JCAD: variants seen among roughly 807,000 people sequenced by gnomAD.
JCAD encodes junctional cadherin 5 associated.
In JCAD, 40 loss-of-function variants were observed where a neutral mutation model predicts 98.0. The ratio of observed to expected loss-of-function variants is 0.41; its 90% confidence interval spans 0.32 to 0.53. The LOEUF (loss-of-function observed/expected upper bound fraction) is 0.53. JCAD is among the 20% of genes least tolerant of loss of function. The probability of loss-of-function intolerance (pLI) is 0.31; values close to 1 mark genes in which losing one functional copy is unlikely to be tolerated. For synonymous variants in JCAD, 691 were observed against 682.3 expected, an observed-to-expected ratio of 1.01 and a Z score of -0.20; for missense variants, 1,705 against 1,738.1, an observed-to-expected ratio of 0.98 and a Z score of 0.34.
Position 30,027,467 on chromosome 10 carries a change from G to T in JCAD, c.2681C>A (p.Pro894Gln), listed in dbSNP as rs1007015108. ...NSPEMRVEPQPRMWVPESPVC... is the reference protein window; with the variant it reads ...NSPEMRVEPQQRMWVPESPVC... ...AGGGCTCTCCGGCACCCACATCCTC[G>T]GCTGTGGCTCAACCCTCATTTCCGG... Residue 894 changes from proline to glutamine, a missense_variant, in exon 3 of 4, where the codon CCG (proline) becomes CAG (glutamine). This residue lies in a region of JCAD where 1,278 missense variants were observed against 1,243.1 expected (regional missense o/e 1.03). Coordinates refer to ENST00000375377, the MANE Select transcript of JCAD (RefSeq NM_020848.4). The T allele has an allele frequency of 1.2e-6, 2 of 1,605,680 alleles. No homozygotes were observed. Among genetic ancestry groups the T allele is most frequent in the Non-Finnish European group, 1.7e-6 (2 of 1,179,988 alleles).
intron 2 of JCAD, among the ~76,000 whole-genome samples, chr10:30,034,614 C>T (rs1489884653): frequency 1.3e-5 from 2 of 152,094 alleles, no homozygotes; most frequent in African/African-American, 4.8e-5. Context: ...AGCCCCTTTC[C>T]TCCCTCCCTC....
At position 30,026,227 on chromosome 10, in the gene JCAD, A is replaced by C; in HGVS notation, c.3921T>G (p.Ser1307Arg). The change falls in exon 3 of 4, where the codon AGT (serine) becomes AGG (arginine). Residue 1307 changes from serine (S) to arginine (R), a missense_variant. Ser to Arg is a moderately radical substitution (Grantham distance 110, BLOSUM62 -1). This residue lies in a region of JCAD where 1,278 missense variants were observed against 1,243.1 expected (regional missense o/e 1.03). Transcript: ENST00000375377. Reference sequence around the variant, plus strand: ...GGCCCAATCTCTGGGCACGGTCCCCACTGCCAGGAGACACAAGGCCTCCCG... The same window carrying C: ...GGCCCAATCTCTGGGCACGGTCCCCCCTGCCAGGAGACACAAGGCCTCCCG... ...GLPGGLVSPG[S>R]GDRAQRLGHS... 6.2e-7 allele frequency: 1 copy of C among 1,614,058 alleles called. No homozygotes were observed. Among genetic ancestry groups the C allele is most frequent in the Middle Eastern group, 1.6e-4 (1 of 6,062 alleles).
At chr10:30,061,007 G>A (rs1262963235), upstream of JCAD, among the ~76,000 whole-genome samples, 3 of 152,188 alleles carry the variant, frequency 2.0e-5, no homozygotes, top group Admixed American at 6.5e-5. Flanking sequence ...TCAGGAGTGC[G>A]TGGGAGGAAA....
At chr10:30,107,931 T>C (rs144431078) in intron 1 of JCAD, among the ~76,000 whole-genome samples, 31 of 152,316 alleles carry the variant, frequency 2.0e-4, no homozygotes, top group African/African-American at 5.8e-4. Flanking sequence ...TAATAAAATA[T>C]GCACCCCTAT....
chr10:30,084,369 C>T (rs1413523129), intron 1 of JCAD, among the ~76,000 whole-genome samples: 1 of 152,138 alleles, frequency 6.6e-6, no homozygotes, highest in African/African-American at 2.4e-5. Context: ...CTTACTAAAT[C>T]AAGGGGTGGC....
At chr10:30,105,839 T>C (rs1173885579) in intron 1 of JCAD, among the ~76,000 whole-genome samples, 1 of 152,222 alleles carries the variant, frequency 6.6e-6, no homozygotes, top group African/African-American at 2.4e-5. Flanking sequence ...ACACGACTGC[T>C]TTTGATAAGT....
Position 30,027,932 on chromosome 10 carries a change from C to T in JCAD, c.2216G>A (p.Gly739Asp), listed in dbSNP as rs747355619. 2 of 1,614,096 alleles carry T rather than the reference C, an allele frequency of 1.2e-6. No individual in the cohort carries two copies. Among genetic ancestry groups the T allele is most frequent in the East Asian group, 2.2e-5 (1 of 44,894 alleles). Reference sequence around the variant, plus strand: ...GGCACTTGGCCTCTGTTTGTGATCACCGGTAGGGAATGCTGTGTGCGTCTG... The same window carrying T: ...GGCACTTGGCCTCTGTTTGTGATCATCGGTAGGGAATGCTGTGTGCGTCTG... ...EAQTHTAFPT[G>D]DHKQRPSARN... Residue 739 changes from glycine (G) to aspartate (D), a missense_variant, in exon 3 of 4, where the codon GGT becomes GAT. This residue lies in a region of JCAD where 1,278 missense variants were observed against 1,243.1 expected (regional missense o/e 1.03). Transcript: ENST00000375377.
chr10:30,086,655 T>G (rs1838171459), intron 1 of JCAD, among the ~76,000 whole-genome samples: 3 of 152,208 alleles, frequency 2.0e-5, no homozygotes, highest in Admixed American at 2.0e-4. Context: ...CATCCCTGCT[T>G]TTTTAACTGC....
Position 30,028,149 on chromosome 10 carries a change from T to C in JCAD, c.1999A>G (p.Ile667Val), listed in dbSNP as rs1367339768. The change falls in exon 3 of 4, where the codon ATC becomes GTC. Residue 667 changes from isoleucine (I) to valine (V), a missense_variant. By Grantham distance (29) the Ile-to-Val change is conservative (BLOSUM62 3). Coordinates refer to ENST00000375377, the MANE Select transcript of JCAD (RefSeq NM_020848.4). ...AGTTCTCTGTGCTTTGTAAGGTGGATGAAACTGAGGTCATTTGTTTGTCTG... is the reference window on the plus strand; with the variant it reads ...AGTTCTCTGTGCTTTGTAAGGTGGACGAAACTGAGGTCATTTGTTTGTCTG... ...EDRQTNDLSF[I>V]HLTKHRELKH... 3 of 1,614,114 alleles carry C rather than the reference T, an allele frequency of 1.9e-6. No homozygotes were observed. The highest frequency in any genetic ancestry group is 2.5e-6 in the Non-Finnish European group (3 of 1,180,044).
rs186526257 is a variant in JCAD at position 30,087,892 on chromosome 10, G to A, written n.129-18071C>T. On this transcript the variant is annotated intron_variant and non_coding_transcript_variant, in intron 1 of 2. Coordinates refer to the JCAD transcript ENST00000465712. ...AGTCTCACTCTGTCGCCAGGCTGGC[G>A]TGCAGTGGCATGATCTCAGCTCACT... Among the ~76,000 whole-genome samples, 26 of 152,340 alleles carry A rather than the reference G, an allele frequency of 1.7e-4. 1 individual carries two copies. Among genetic ancestry groups the A allele is most frequent in the Admixed American group, 9.1e-4 (14 of 15,304 alleles).
intron 1 of JCAD, among the ~76,000 whole-genome samples, chr10:30,058,298 C>T (rs575626971): frequency 5.3e-5 from 8 of 152,130 alleles, no homozygotes; most frequent in African/African-American, 1.9e-4. Context: ...CCACCCCTCT[C>T]CCCAAGACTA....
chr10:30,100,282 C>T (rs1197436606), intron 1 of JCAD, among the ~76,000 whole-genome samples: 1 of 152,074 alleles, frequency 6.6e-6, no homozygotes, highest in African/African-American at 2.4e-5. Flanking sequence ...GAAATTATGA[C>T]TCTGTTTTGT....
chr10:30,056,599 G>GA lies in JCAD; in HGVS notation c.-60+2882dup, dbSNP rs1343260109. Among the ~76,000 whole-genome samples the GA allele has an allele frequency of 2.6e-5, 4 of 150,984 alleles. No homozygotes were observed. The East Asian group carries it at 5.8e-4, about 22-fold the overall frequency. On this transcript the variant is annotated intron_variant, in intron 1 of 3. Transcript: ENST00000375377. The stretch of plus-strand genomic sequence containing the variant: ...ATCTAAATTCTTTCATTTACATACA[G>GA]AAAAAACAATCTTTACAGGTAAACT...
In JCAD at chr10:30,039,741, C is replaced by T. The variant is rs895094026; in HGVS notation, c.281+7791G>A. 2.0e-5 allele frequency among the ~76,000 whole-genome samples: 3 copies of T among 152,092 alleles called. No homozygotes were observed. The East Asian group carries it at 5.8e-4, about 29-fold the overall frequency. Reference sequence around the variant, plus strand: ...ACAGGGAGCAGTGTTGGAACGTTGCCAGGAGAGTGGTGAGCAGCTGCCCTG... The same window carrying T: ...ACAGGGAGCAGTGTTGGAACGTTGCTAGGAGAGTGGTGAGCAGCTGCCCTG... On this transcript the variant is annotated intron_variant, in intron 2 of 3. Transcript: ENST00000375377.
At position 30,037,171 on chromosome 10, in the gene JCAD, A is replaced by G. The variant is rs1388099379; in HGVS notation, c.282-7305T>C. ...CCTAACATGCTTCTGTGATGGCCTC[A>G]GCCATGTTCCGCTCCAGAATTTGCT... On this transcript the variant is annotated intron_variant, in intron 2 of 3. Coordinates refer to ENST00000375377, the MANE Select transcript of JCAD (RefSeq NM_020848.4). Among the ~76,000 whole-genome samples, 381 of 152,342 alleles carry G rather than the reference A, an allele frequency of 2.5e-3. 12 individuals are homozygous for G. The highest frequency in any genetic ancestry group is 3.4e-4 in the Non-Finnish European group (23 of 68,036).
At chr10:30,067,688 T>A (rs1339228881) in intron 2 of JCAD, among the ~76,000 whole-genome samples, 1 of 152,242 alleles carries the variant, frequency 6.6e-6, no homozygotes, top group Non-Finnish European at 1.5e-5. Context: ...CCTTGACTTA[T>A]GTCCTTCGAT....
intron 1 of JCAD, 136 bp from the exon 2 acceptor site, chr10:30,048,007 A>G (rs1837390666): frequency 1.9e-6 from 1 of 538,756 alleles, no homozygotes; most frequent in East Asian, 3.0e-5. Context: ...GAAAGAGGGG[A>G]CACAGGGATG....
At chr10:30,030,001 G>A in intron 2 of JCAD, 135 bp from the exon 3 acceptor site, 2 of 1,020,088 alleles carry the variant, frequency 2.0e-6, no homozygotes, top group Non-Finnish European at 2.8e-6. Context: ...TTGCCAGCTT[G>A]AAAGAAAACA....
chr10:30,070,001 A>C (rs1162447393), intron 1 of JCAD, among the ~76,000 whole-genome samples: 1 of 152,150 alleles, frequency 6.6e-6, no homozygotes, highest in Non-Finnish European at 1.5e-5. Flanking sequence ...AATGACATGT[A>C]TATCAAGCAG....
Sources: gnomAD v4.1 joint callset for allele counts (sites outside exome capture counted in the v4.1 genomes callset) on GRCh38, gnomAD v4.1.1 for gene constraint, gnomAD v4.1.1 regional missense constraint, MANE v1.5 for transcripts, NCBI Gene and HGNC (gene_info 2026-07-23, HGNC 2026-07-21) for gene names.